TGFBRAP1: variants seen among roughly 807,000 people sequenced by gnomAD.
TGFBRAP1 encodes transforming growth factor-beta receptor-associated protein 1.
In TGFBRAP1, 20 loss-of-function variants were observed where a neutral mutation model predicts 83.2. The ratio of observed to expected loss-of-function variants is 0.24; its 90% CI spans 0.17 to 0.35. The LOEUF is 0.35. Among genes scored for constraint, TGFBRAP1 ranks in the 10% least tolerant of loss-of-function variants. TGFBRAP1 has a pLI of 1.00. For missense variants in TGFBRAP1, 950 were observed against 1,099.4 expected, an observed-to-expected ratio of 0.86 and a Z score of 1.92; for synonymous variants, 415 against 459.8, an observed-to-expected ratio of 0.90 and a Z score of 1.25.
At chr2:105,323,822 G>A (rs907822370) in intron 1 of TGFBRAP1, among the ~76,000 whole-genome samples, 16 of 152,178 alleles carry the variant, frequency 1.1e-4, no homozygotes, top group Admixed American at 5.9e-4. Context: ...AGGTTTACGG[G>A]TTGACTTAAA....
At chr2:105,252,456 G>A in the TGFBRAP1 span, among the ~76,000 whole-genome samples, 1 of 152,166 alleles carries the variant, frequency 6.6e-6, no homozygotes, top group East Asian at 1.9e-4. Context: ...CTTGCAGGGG[G>A]TTCTGGGGAG....
At chr2:105,293,579 T>C (rs1677985191) in intron 4 of TGFBRAP1, among the ~76,000 whole-genome samples, 1 of 152,258 alleles carries the variant, frequency 6.6e-6, no homozygotes, top group Non-Finnish European at 1.5e-5. Context: ...GCTTAGGGTC[T>C]AGCATGTGGT....
downstream of TGFBRAP1, among the ~76,000 whole-genome samples, chr2:105,260,584 G>A (rs1279730792): frequency 1.3e-5 from 2 of 152,180 alleles, no homozygotes; most frequent in Admixed American, 1.3e-4. Context: ...GGTGTCAGGG[G>A]CTGGGGAGGG....
intron 1 of TGFBRAP1, among the ~76,000 whole-genome samples, chr2:105,328,748 C>G (rs1352802940): frequency 6.6e-6 from 1 of 152,182 alleles, no homozygotes; most frequent in African/African-American, 2.4e-5. Context: ...ATGTTTTGAC[C>G]ACAGCTGCGC....
Position 105,267,329 on chromosome 2 carries a change from C to A in TGFBRAP1, c.*54G>T. 2 of 1,600,768 alleles carry A rather than the reference C, an allele frequency of 1.2e-6. No homozygotes were observed. The highest frequency in any genetic ancestry group is 1.1e-5 in the South Asian group (1 of 89,370). ...CATGGTGGTCATCTGCTCTTCATGTCCAGCAGGCTCAGAAAGAACTCGGAG... is the reference window on the plus strand; with the variant it reads ...CATGGTGGTCATCTGCTCTTCATGTACAGCAGGCTCAGAAAGAACTCGGAG... On this transcript the variant is annotated 3_prime_UTR_variant, in exon 12 of 12. Transcript: ENST00000393359.
the TGFBRAP1 span, among the ~76,000 whole-genome samples, chr2:105,256,415 G>A: frequency 1.3e-5 from 2 of 152,010 alleles, no homozygotes; most frequent in African/African-American, 2.4e-5. Flanking sequence ...ACTTTTCCCC[G>A]ACTTAAGGCT....
At chr2:105,290,935 G>A (rs1677890306) in intron 4 of TGFBRAP1, among the ~76,000 whole-genome samples, 1 of 152,144 alleles carries the variant, frequency 6.6e-6, no homozygotes, top group Non-Finnish European at 1.5e-5. Context: ...GAACGCGGGA[G>A]GTGGAGGTTG....
At chr2:105,311,154 AAAAAAAACAAAAAAC>A (rs1678677180) in intron 1 of TGFBRAP1, among the ~76,000 whole-genome samples, 2 of 144,248 alleles carry the variant, frequency 1.4e-5, no homozygotes, top group South Asian at 4.3e-4. Flanking sequence ...GTAAAAAAAA[AAAAAAAACAAAAAAC>A]AAAAAAACAT....
intron 1 of TGFBRAP1, among the ~76,000 whole-genome samples, chr2:105,328,417 G>C (rs1679281335): frequency 6.6e-6 from 1 of 152,158 alleles, no homozygotes; most frequent in Admixed American, 6.5e-5. Flanking sequence ...GAAATGGAAG[G>C]AAAAAGAAAA....
chr2:105,296,030 T>C (rs1026321165), intron 4 of TGFBRAP1, among the ~76,000 whole-genome samples: 1 of 152,176 alleles, frequency 6.6e-6, no homozygotes, highest in Non-Finnish European at 1.5e-5. Flanking sequence ...ATAAGAACTA[T>C]GTTATTGATC....
intron 8 of TGFBRAP1, among the ~76,000 whole-genome samples, chr2:105,274,005 C>G (rs1469864226): frequency 6.6e-6 from 1 of 152,192 alleles, no homozygotes; most frequent in Non-Finnish European, 1.5e-5. Context: ...AAGAACAAAG[C>G]ATTTACTGGT....
At chr2:105,292,225 C>T (rs79299598) in intron 4 of TGFBRAP1, among the ~76,000 whole-genome samples, 5,512 of 152,226 alleles carry the variant, frequency 0.036, 337 homozygotes, top group African/African-American at 0.13. Context: ...AACCAAATAG[C>T]ATGTGGAAGG....
At chr2:105,311,609 A>G (rs1380895549) in intron 1 of TGFBRAP1, among the ~76,000 whole-genome samples, 1 of 152,008 alleles carries the variant, frequency 6.6e-6, no homozygotes, top group East Asian at 1.9e-4. Flanking sequence ...AAAAAAGAAA[A>G]AAAAATTGGC....
At chr2:105,314,542 G>A (rs531554795) in intron 1 of TGFBRAP1, among the ~76,000 whole-genome samples, 17 of 151,818 alleles carry the variant, frequency 1.1e-4, no homozygotes, top group South Asian at 6.2e-4. Flanking sequence ...GAGCCACCGC[G>A]CCCAGCCACC....
downstream of TGFBRAP1, among the ~76,000 whole-genome samples, chr2:105,259,728 A>G (rs1676745900): frequency 6.6e-6 from 1 of 152,086 alleles, no homozygotes; most frequent in African/African-American, 2.4e-5. Context: ...CTCTGGCCAC[A>G]TTTTCCTGTA....
chr2:105,313,325 C>A (rs1321312350), intron 1 of TGFBRAP1, among the ~76,000 whole-genome samples: 2 of 152,234 alleles, frequency 1.3e-5, no homozygotes, highest in Non-Finnish European at 2.9e-5. Flanking sequence ...AGAGGTCCCA[C>A]TTCTTTTCAC....
chr2:105,323,160 C>A (rs995880803), intron 1 of TGFBRAP1, among the ~76,000 whole-genome samples: 6 of 152,126 alleles, frequency 3.9e-5, no homozygotes, highest in African/African-American at 1.2e-4. Context: ...GACTCAGAAG[C>A]ATGCATTGGA....
In TGFBRAP1 at chr2:105,319,031, G is replaced by A. The variant is rs77102459; in HGVS notation, c.-18+10594C>T. Among the ~76,000 whole-genome samples the A allele has an allele frequency of 4.7e-4, 72 of 152,176 alleles. No homozygotes were observed. The East Asian group carries it at 0.014, about 29-fold the overall frequency. On this transcript the variant is annotated intron_variant, in intron 1 of 11. Transcript: ENST00000393359. ...CAGGCCTCATTAAAAAAAAGTCACA[G>A]CAGGAAGAATAAACGTGGAATGAGA...
chr2:105,280,475 G>A lies in TGFBRAP1; in HGVS notation c.1370C>T (p.Ala457Val). Residue 457 changes from alanine (A) to valine (V), a missense_variant, in exon 6 of 12, where the codon GCA (alanine) becomes GTA (valine). By Grantham distance (64) the Ala-to-Val change is moderately conservative. Transcript: ENST00000393359. ...CAGCAGGCTGTCGTGGTCAGCCTCT[G>A]CATACAGTTTGAGCAAGGCTGTGTC... ...DIDTALLKLY[A>V]EADHDSLLDL... 6.2e-7 allele frequency: 1 copy of A among 1,614,198 alleles called. No individual in the cohort carries two copies. Among genetic ancestry groups the A allele is most frequent in the East Asian group, 2.2e-5 (1 of 44,880 alleles).
Sources: allele counts gnomAD v4.1 joint callset (sites outside exome capture counted in the v4.1 genomes callset), GRCh38; gene constraint gnomAD v4.1.1; transcripts MANE v1.5; gene names NCBI Gene and HGNC (gene_info 2026-07-23, HGNC 2026-07-21).